Variants in CSMD2 observed in about 807,000 individuals in gnomAD.
CSMD2 encodes the protein CUB and Sushi multiple domains 2.
Under a neutral mutation model 398.5 loss-of-function variants are expected in CSMD2, and 130 were observed. The ratio of observed to expected loss-of-function variants is 0.33; its 90% CI spans 0.28 to 0.38. The LOEUF (loss-of-function observed/expected upper bound fraction) is 0.38, where lower values mean the gene tolerates loss of function less well. Among genes scored for constraint, CSMD2 ranks in the 10% least tolerant of loss-of-function variants. The pLI, the probability that CSMD2 is intolerant of heterozygous loss-of-function variation, is 1.00. For synonymous variants in CSMD2, 1,828 were observed against 1,908.5 expected, an observed-to-expected ratio of 0.96 and a Z score of 1.10; for missense variants, 3,829 against 4,764.9, an observed-to-expected ratio of 0.80 and a Z score of 5.78.
intron 2 of CSMD2, among the ~76,000 whole-genome samples, chr1:34,067,850 C>T (rs1655281930): frequency 6.6e-6 from 1 of 152,224 alleles, no homozygotes; most frequent in Non-Finnish European, 1.5e-5. Flanking sequence ...ACACGTACCT[C>T]CCTTCTGGCT....
intron 1 of CSMD2, among the ~76,000 whole-genome samples, chr1:34,148,485 C>T (rs1028462096): frequency 4.6e-5 from 7 of 151,898 alleles, no homozygotes; most frequent in South Asian, 2.1e-4. Flanking sequence ...AACCACTTGA[C>T]GTGTAATTCA....
chr1:33,869,668 G>C lies in CSMD2; in HGVS notation c.921-22672C>G, dbSNP rs574914483. ...GTGATACTGATGCTCCTGGTCCCAG[G>C]ACCACAGACAAATTCTCCTTCTTGT... is the stretch of plus-strand genomic sequence containing the variant. On this transcript the variant is annotated intron_variant, in intron 5 of 70. Coordinates refer to ENST00000373381, the MANE Select transcript of CSMD2 (RefSeq NM_001281956.2). Among the ~76,000 whole-genome samples the C allele has an allele frequency of 2.6e-5, 4 of 152,274 alleles. No individual in the cohort carries two copies. In the East Asian group the frequency reaches 7.7e-4, roughly 29 times the overall value.
intron 19 of CSMD2, among the ~76,000 whole-genome samples, chr1:33,719,568 T>C (rs1646286648): frequency 6.6e-6 from 1 of 152,146 alleles, no homozygotes; most frequent in Non-Finnish European, 1.5e-5. Context: ...CACACACAAA[T>C]ACTTCACTTG....
At chr1:33,962,700 G>C (rs1156933746) in intron 3 of CSMD2, among the ~76,000 whole-genome samples, 4 of 152,034 alleles carry the variant, frequency 2.6e-5, no homozygotes, top group Admixed American at 2.0e-4. Flanking sequence ...AGCTCCCTCT[G>C]CCTGGAATAA....
At chr1:34,054,688 C>T (rs892185474) in intron 2 of CSMD2, among the ~76,000 whole-genome samples, 8 of 152,102 alleles carry the variant, frequency 5.3e-5, no homozygotes, top group African/African-American at 1.4e-4. Context: ...TGCAGTGAGC[C>T]GAGATCGCGC....
intron 13 of CSMD2, among the ~76,000 whole-genome samples, chr1:33,771,884 T>A (rs1480545125): frequency 1.3e-5 from 2 of 152,194 alleles, no homozygotes; most frequent in African/African-American, 4.8e-5. Context: ...TGGGCCTCCC[T>A]TGGCTACACA....
In CSMD2 at chr1:33,788,720, G is replaced by A. The variant is rs1367909458; in HGVS notation, c.1551-8C>T. ...ACCGATGTACCTGTCAGGCTGGCAG[G>A]AGAGAGATATTTAGAGGTGTGCTCT... On this transcript the variant is annotated splice_polypyrimidine_tract_variant and splice_region_variant and intron_variant, in intron 11 of 70. Transcript: ENST00000373381. 3 of 1,561,304 alleles carry A rather than the reference G, an allele frequency of 1.9e-6. No individual in the cohort carries two copies. Among genetic ancestry groups the A allele is most frequent in the African/African-American group, 1.4e-5 (1 of 73,868 alleles).
intron 22 of CSMD2, among the ~76,000 whole-genome samples, chr1:33,704,922 C>A (rs544137001): frequency 6.6e-6 from 1 of 151,608 alleles, no homozygotes; most frequent in South Asian, 2.1e-4. Flanking sequence ...GCCATCACGT[C>A]CCGCTAATTT....
At chr1:34,149,027 G>A (rs759871154) in intron 1 of CSMD2, among the ~76,000 whole-genome samples, 1 of 152,096 alleles carries the variant, frequency 6.6e-6, no homozygotes, top group Non-Finnish European at 1.5e-5. Context: ...TTATTTACTA[G>A]TCCCTACTTT....
intron 3 of CSMD2, among the ~76,000 whole-genome samples, chr1:33,994,327 T>C (rs768955077): frequency 3.9e-5 from 6 of 151,914 alleles, no homozygotes; most frequent in East Asian, 2.0e-4. Flanking sequence ...GCAAATTTCA[T>C]TGAGCTGGGA....
intron 53 of CSMD2, among the ~76,000 whole-genome samples, chr1:33,561,915 T>G (rs1658588840): frequency 6.6e-6 from 1 of 152,152 alleles, no homozygotes; most frequent in Admixed American, 6.5e-5. Context: ...AAGGTCGTGA[T>G]GCCCCTTCCC....
chr1:33,831,084 C>T (rs1659494890), intron 6 of CSMD2, among the ~76,000 whole-genome samples: 1 of 152,142 alleles, frequency 6.6e-6, no homozygotes, highest in South Asian at 2.1e-4. Flanking sequence ...TGGAAAACAC[C>T]CTGCAGGATA....
At chr1:33,864,600 C>G (rs763205265) in intron 5 of CSMD2, 7 of 1,613,922 alleles carry the variant, frequency 4.3e-6, no homozygotes, top group Non-Finnish European at 5.9e-6. Context: ...AGCGACAGAC[C>G]TGGAGAAGCA....
chr1:33,622,723 A>G (rs999124633), intron 36 of CSMD2, among the ~76,000 whole-genome samples: 4 of 152,258 alleles, frequency 2.6e-5, no homozygotes, highest in African/African-American at 4.8e-5. Flanking sequence ...ACACTCAGTC[A>G]GAAGTCCATT....
At chr1:33,962,738 A>G (rs1317970186) in intron 3 of CSMD2, among the ~76,000 whole-genome samples, 1 of 151,834 alleles carries the variant, frequency 6.6e-6, no homozygotes, top group Non-Finnish European at 1.5e-5. Flanking sequence ...AGCAAGATTG[A>G]CTCCCTCATA....
In CSMD2 at chr1:33,557,900, T is replaced by A. The variant is rs1434570077; in HGVS notation, c.8577A>T (p.Gly2859=). Residue 2859 remains glycine (G), a synonymous_variant, in exon 55 of 71, where the codon GGA becomes GGT. Coordinates refer to ENST00000373381, the MANE Select transcript of CSMD2 (RefSeq NM_001281956.2). ...TCRIINCTDP[G]HQENSVRQVH... is the part of the protein sequence containing the mutation. ...CCTGACGAACACTATTTTCTTGGTG[T>A]CCAGGATCTGTACAGTTGATGACTG... 2 of 1,535,984 alleles carry A rather than the reference T, an allele frequency of 1.3e-6. No individual in the cohort carries two copies. The highest frequency in any genetic ancestry group is 2.7e-5 in the African/African-American group (2 of 73,004).
chr1:33,792,817 A>G (rs1654481708), intron 10 of CSMD2, among the ~76,000 whole-genome samples: 1 of 152,150 alleles, frequency 6.6e-6, no homozygotes, highest in African/African-American at 2.4e-5. Context: ...CGAGATGATT[A>G]GACTCTTTCT....
chr1:34,002,552 C>T (rs535776911), intron 3 of CSMD2, among the ~76,000 whole-genome samples: 24 of 152,242 alleles, frequency 1.6e-4, no homozygotes, highest in Non-Finnish European at 3.1e-4. Context: ...GGGGTTGGGG[C>T]GACTTAAGTG....
At chr1:33,974,770 A>G (rs933748552) in intron 3 of CSMD2, among the ~76,000 whole-genome samples, 9 of 152,204 alleles carry the variant, frequency 5.9e-5, no homozygotes, top group East Asian at 1.9e-4. Context: ...TCAGGATCCA[A>G]TTCCTACATT....
Sources: gnomAD v4.1 joint callset for allele counts (sites outside exome capture counted in the v4.1 genomes callset) on GRCh38, gnomAD v4.1.1 for gene constraint, MANE v1.5 for transcripts, NCBI Gene and HGNC (gene_info 2026-07-23, HGNC 2026-07-21) for gene names.